KIAA1217: variants seen among roughly 807,000 people sequenced by gnomAD.
KIAA1217 encodes the protein sickle tail protein homolog.
A neutral mutation model predicts 163.9 loss-of-function variants in KIAA1217; 88 were observed. The observed-to-expected ratio is 0.54, with a 90% CI of 0.45 to 0.64. The LOEUF (loss-of-function observed/expected upper bound fraction) is 0.64, where lower values mean the gene tolerates loss of function less well. Ranked by LOEUF, KIAA1217 falls within the 30% of genes least tolerant of loss-of-function variation. KIAA1217 has a pLI of 0.00. For missense variants in KIAA1217, 2,372 were observed against 2,475.0 expected, an observed-to-expected ratio of 0.96 and a Z score of 0.88; for synonymous variants, 903 against 923.1, an observed-to-expected ratio of 0.98 and a Z score of 0.39.
At chr10:23,978,642 A>G (rs1197911597) in intron 1 of KIAA1217, among the ~76,000 whole-genome samples, 2 of 152,140 alleles carry the variant, frequency 1.3e-5, no homozygotes, top group Non-Finnish European at 1.5e-5. Context: ...AATAATATTT[A>G]AACTATATAT....
At chr10:24,444,496 C>T (rs536943905) in intron 5 of KIAA1217, among the ~76,000 whole-genome samples, 4 of 152,272 alleles carry the variant, frequency 2.6e-5, no homozygotes, top group African/African-American at 9.6e-5. Flanking sequence ...AAAGACTGTA[C>T]ACTCTTCAAA....
At chr10:23,725,435 T>C (rs1039758787) in intron 1 of KIAA1217, among the ~76,000 whole-genome samples, 2 of 152,230 alleles carry the variant, frequency 1.3e-5, no homozygotes, top group African/African-American at 4.8e-5. Flanking sequence ...GACCTATGTC[T>C]TGAATTATAC....
intron 2 of KIAA1217, among the ~76,000 whole-genome samples, chr10:24,009,280 A>G (rs774908845): frequency 1.4e-4 from 22 of 152,180 alleles, no homozygotes; most frequent in Non-Finnish European, 2.8e-4. Context: ...ATGTGGTTGG[A>G]GAAGAATAAT....
At chr10:23,777,692 TA>T (rs200341583) in intron 1 of KIAA1217, among the ~76,000 whole-genome samples, 30 of 150,256 alleles carry the variant, frequency 2.0e-4, no homozygotes, top group African/African-American at 4.4e-4. Context: ...AATCTGTCAT[TA>T]AAAAAAAATA....
intron 1 of KIAA1217, among the ~76,000 whole-genome samples, chr10:23,813,170 GT>G (rs1837154025): frequency 3.9e-5 from 6 of 152,064 alleles, no homozygotes; most frequent in Admixed American, 2.6e-4. Context: ...GTTTGGGTTT[GT>G]TTTTCTCTGA....
chr10:24,235,816 G>A (rs578215590), intron 2 of KIAA1217, among the ~76,000 whole-genome samples: 28 of 152,134 alleles, frequency 1.8e-4, no homozygotes, highest in African/African-American at 2.9e-4. Context: ...GAAGGTCCGC[G>A]TTGACCCTTT....
At chr10:23,791,628 A>G (rs1054774358) in intron 1 of KIAA1217, among the ~76,000 whole-genome samples, 1 of 152,224 alleles carries the variant, frequency 6.6e-6, no homozygotes, top group African/African-American at 2.4e-5. Context: ...TGTAAAAGAA[A>G]ATGAAAGAAA....
At position 24,146,132 on chromosome 10, in the gene KIAA1217, C is replaced by A. The variant is rs543647519; in HGVS notation, c.-170-73494C>A. Among the ~76,000 whole-genome samples, 5 of 152,296 alleles carry A rather than the reference C, an allele frequency of 3.3e-5. No individual in the cohort carries two copies. In the South Asian group the frequency reaches 6.2e-4, roughly 19 times the overall value. ...GTACCTGATAAAAGGGAAAAAAGAA[C>A]CTACTTGTAGTAAGGATCAACCGTT... On this transcript the variant is annotated intron_variant, in intron 2 of 18. Transcript: ENST00000376462.
chr10:23,732,176 T>G (rs1838514913), intron 1 of KIAA1217, among the ~76,000 whole-genome samples: 1 of 152,078 alleles, frequency 6.6e-6, no homozygotes, highest in Non-Finnish European at 1.5e-5. Context: ...AATTTCTTCT[T>G]TAAATGTTTG....
intron 1 of KIAA1217, among the ~76,000 whole-genome samples, chr10:23,919,510 G>A (rs1349660190): frequency 2.0e-5 from 3 of 150,892 alleles, no homozygotes. Context: ...GGAGGCTGCG[G>A]AAGGAGAATT....
intron 2 of KIAA1217, among the ~76,000 whole-genome samples, chr10:24,289,590 TTCCA>T (rs2078898660): frequency 6.6e-6 from 1 of 152,120 alleles, no homozygotes; most frequent in Non-Finnish European, 1.5e-5. Context: ...AACAAAGATC[TTCCA>T]CTGAAAATGA....
chr10:24,007,260 G>A (rs903519050), exon 2 of KIAA1217: 5 of 151,796 alleles, frequency 3.3e-5, no homozygotes, highest in African/African-American at 1.2e-4. Flanking sequence ...GTGGCCGATT[G>A]CACTGTGTCC....
At chr10:24,495,758 G>A (rs78960103) in intron 8 of KIAA1217, among the ~76,000 whole-genome samples, 1,908 of 152,338 alleles carry the variant, frequency 0.013, 45 homozygotes, top group African/African-American at 0.044. Flanking sequence ...GGATGGATGA[G>A]AAGGGACAGT....
intron 5 of KIAA1217, chr10:24,449,825 C>A: frequency 1.2e-6 from 1 of 832,148 alleles, no homozygotes; most frequent in Non-Finnish European, 1.4e-6. Context: ...TGCTCTGGCA[C>A]GTTTATCTTT....
At chr10:23,852,926 G>A (rs940922468) in intron 1 of KIAA1217, among the ~76,000 whole-genome samples, 1 of 152,230 alleles carries the variant, frequency 6.6e-6, no homozygotes, top group South Asian at 2.1e-4. Context: ...GAGACAATGG[G>A]GTTTTCTAGA....
At chr10:23,777,453 G>A (rs1835053816) in intron 1 of KIAA1217, among the ~76,000 whole-genome samples, 1 of 152,164 alleles carries the variant, frequency 6.6e-6, no homozygotes, top group Admixed American at 6.5e-5. Context: ...AGAGGGAAGG[G>A]GTCTTGCCTG....
At chr10:23,835,364 GA>G (rs1418878787) in intron 1 of KIAA1217, among the ~76,000 whole-genome samples, 1 of 151,722 alleles carries the variant, frequency 6.6e-6, no homozygotes, top group Non-Finnish European at 1.5e-5. Flanking sequence ...AAAATGGAGT[GA>G]TTTTTTTTTG....
intron 1 of KIAA1217, among the ~76,000 whole-genome samples, chr10:23,989,834 G>T (rs1353229850): frequency 6.6e-6 from 1 of 152,156 alleles, no homozygotes; most frequent in African/African-American, 2.4e-5. Flanking sequence ...GTTTATGGGA[G>T]GCTAATTCTA....
intron 3 of KIAA1217, among the ~76,000 whole-genome samples, chr10:24,425,398 A>G (rs1197121426): frequency 6.6e-6 from 1 of 152,166 alleles, no homozygotes; most frequent in East Asian, 1.9e-4. Context: ...AAATGTTGTT[A>G]TTCTTGTTCT....
Sources: allele counts gnomAD v4.1 joint callset (sites outside exome capture counted in the v4.1 genomes callset), GRCh38; gene constraint gnomAD v4.1.1; transcripts MANE v1.5; gene names NCBI Gene and HGNC (gene_info 2026-07-23, HGNC 2026-07-21).